The following EPS15L1 variants were observed in gnomAD, a reference collection of about 807,000 sequenced individuals.
The protein encoded by EPS15L1 is epidermal growth factor receptor pathway substrate 15 like 1, also known as epidermal growth factor receptor substrate 15-like 1.
Under a neutral mutation model 117.1 loss-of-function variants are expected in EPS15L1, and 43 were observed. The observed-to-expected ratio is 0.37, with a 90% CI of 0.29 to 0.47. EPS15L1 has a LOEUF of 0.47. Ranked by LOEUF, EPS15L1 falls within the 20% of genes least tolerant of loss-of-function variation. EPS15L1 has a pLI of 0.99. For missense variants in EPS15L1, 981 were observed against 1,164.0 expected (o/e 0.84, Z 2.29); for synonymous variants, 459 against 470.5 (o/e 0.98, Z 0.32).
chr19:16,365,315 C>T lies in EPS15L1; in HGVS notation c.2381-3331G>A, dbSNP rs1032639339. Reference sequence around the variant, plus strand: ...CCCTGTGCCTTAGAATATAACCATACTTGAAGATAGCATATTTAAAGGGGT... The same window carrying T: ...CCCTGTGCCTTAGAATATAACCATATTTGAAGATAGCATATTTAAAGGGGT... On this transcript the variant is annotated intron_variant, in intron 22 of 23. Transcript: ENST00000455140. This position sits in a 1 kb window ranked among gnomAD's most constrained non-coding sequence, Gnocchi z 4.9. Among the ~76,000 whole-genome samples, 6 of 152,142 alleles carry T rather than the reference C, an allele frequency of 3.9e-5. No individual in the cohort carries two copies. The highest frequency in any genetic ancestry group is 1.4e-4 in the African/African-American group (6 of 41,412).
chr19:16,437,270 C>A (rs2092987695), intron 5 of EPS15L1, among the ~76,000 whole-genome samples: 1 of 152,122 alleles, frequency 6.6e-6, no homozygotes, highest in African/African-American at 2.4e-5. Flanking sequence ...ACCCACATGT[C>A]CAGAGAGATG....
At chr19:16,396,582 A>G (rs2092543201) in intron 16 of EPS15L1, among the ~76,000 whole-genome samples, 1 of 152,206 alleles carries the variant, frequency 6.6e-6, no homozygotes, top group African/African-American at 2.4e-5. Flanking sequence ...CAATTTTTTC[A>G]TAAATCTAAA....
chr19:16,377,349 G>A, intron 21 of EPS15L1, 95 bp from the exon 22 acceptor site: 1 of 1,435,430 alleles, frequency 7.0e-7, no homozygotes, highest in Middle Eastern at 2.5e-4. Context: ...AAGGGCCCTG[G>A]CAAGGCCTCC....
intron 22 of EPS15L1, among the ~76,000 whole-genome samples, chr19:16,372,344 A>G (rs960339523): frequency 6.6e-6 from 1 of 152,166 alleles, no homozygotes; most frequent in Admixed American, 6.5e-5. Flanking sequence ...ATTTCACCTC[A>G]ATTGACCTTT....
intron 1 of EPS15L1, among the ~76,000 whole-genome samples, chr19:16,464,219 C>A (rs1205997973): frequency 6.6e-6 from 1 of 152,244 alleles, no homozygotes; most frequent in Non-Finnish European, 1.5e-5. Context: ...TCATCTGTGA[C>A]CTTTACTTTC....
At chr19:16,418,398 C>G (rs2092781387) in intron 10 of EPS15L1, among the ~76,000 whole-genome samples, 1 of 152,240 alleles carries the variant, frequency 6.6e-6, no homozygotes, top group Non-Finnish European at 1.5e-5. Flanking sequence ...TGAGATGCAG[C>G]TGCCTCTTCC....
Position 16,395,456 on chromosome 19 carries a change from G to C in EPS15L1, c.1803C>G (p.Phe601Leu). 1 of 1,613,578 alleles carries C rather than the reference G, an allele frequency of 6.2e-7. No individual in the cohort carries two copies. Among genetic ancestry groups the C allele is most frequent in the Non-Finnish European group, 8.5e-7 (1 of 1,179,646 alleles). The change falls in exon 17 of 24, where the codon TTC (phenylalanine) becomes TTG (leucine). Residue 601 changes from phenylalanine (F) to leucine (L), a missense_variant. This residue lies in a region of EPS15L1 where 819 missense variants were observed against 949.0 expected (regional missense o/e 0.86). Coordinates refer to ENST00000455140, the MANE Select transcript of EPS15L1 (RefSeq NM_001258374.3). The part of the protein sequence containing the change: ...RGSFGAMDDP[F>L]KNKALLFSNN... ...TGCTAAATAACAAGGCTTTATTTTTGAAAGGATCATCCTACAATTTTGTGA... is the reference window on the plus strand; with the variant it reads ...TGCTAAATAACAAGGCTTTATTTTTCAAAGGATCATCCTACAATTTTGTGA...
At chr19:16,457,619 G>C (rs1262422727) in intron 1 of EPS15L1, among the ~76,000 whole-genome samples, 1 of 151,914 alleles carries the variant, frequency 6.6e-6, no homozygotes, top group South Asian at 2.1e-4. Context: ...AGGGCAGAAG[G>C]GATGGAACTG....
At position 16,404,347 on chromosome 19, in the gene EPS15L1, G is replaced by T. The variant is rs1393507704; in HGVS notation, c.1428+241C>A. On this transcript the variant is annotated intron_variant, in intron 14 of 23. Coordinates refer to ENST00000455140, the MANE Select transcript of EPS15L1 (RefSeq NM_001258374.3). The surrounding 1 kb of genome is among the most constrained non-coding windows in gnomAD (Gnocchi z 4.2). ...CACAGCCAGGTGGGGTGTGTTCAGG[G>T]CACAAGTTCGCAGGGACCAAGGCCA... Among the ~76,000 whole-genome samples the T allele has an allele frequency of 6.6e-6, 1 of 152,164 alleles. No homozygotes were observed. The highest frequency in any genetic ancestry group is 1.5e-5 in the Non-Finnish European group (1 of 68,026).
At chr19:16,361,561 T>TGATA in intron 23 of EPS15L1, 1 of 1,306,634 alleles carries the variant, frequency 7.7e-7, no homozygotes, top group Non-Finnish European at 9.7e-7. Context: ...CGTGCCCTTA[T>TGATA]GATAGAGCAT....
chr19:16,441,641 A>AT (rs1360010995), intron 3 of EPS15L1: 1 of 290,870 alleles, frequency 3.4e-6, no homozygotes, highest in African/African-American at 2.2e-5. Context: ...AAAAAAAAAA[A>AT]AAAAAAAAAA....
intron 13 of EPS15L1, chr19:16,413,113 G>T: frequency 2.9e-6 from 2 of 680,846 alleles, no homozygotes; most frequent in Non-Finnish European, 5.4e-6. Flanking sequence ...ATCGGTCTGG[G>T]TATTAAGTGC....
At chr19:16,421,271 G>A in intron 10 of EPS15L1, 48 bp downstream of exon 10, 1 of 1,563,878 alleles carries the variant, frequency 6.4e-7, no homozygotes, top group Non-Finnish European at 8.7e-7. Context: ...TCACCCACAG[G>A]CCCCCTGGAG....
At chr19:16,457,627 C>G (rs2093210004) in intron 1 of EPS15L1, among the ~76,000 whole-genome samples, 1 of 151,446 alleles carries the variant, frequency 6.6e-6, no homozygotes, top group African/African-American at 2.4e-5. Context: ...AGGGATGGAA[C>G]TGGAATGGCG....
Position 16,370,691 on chromosome 19 carries a change from C to T in EPS15L1, c.2380+6431G>A, listed in dbSNP as rs183326103. On this transcript the variant is annotated intron_variant, in intron 22 of 23. Coordinates refer to ENST00000455140, the MANE Select transcript of EPS15L1 (RefSeq NM_001258374.3). This position sits in a 1 kb window ranked among gnomAD's most constrained non-coding sequence, Gnocchi z 5.2. ...TTTACAGAACAGAAAGTGCTCCAAACGGCAATCTGCCTGCAGTCAGTTTAA... is the reference window on the plus strand; with the variant it reads ...TTTACAGAACAGAAAGTGCTCCAAATGGCAATCTGCCTGCAGTCAGTTTAA... Among the ~76,000 whole-genome samples, 27 of 152,330 alleles carry T rather than the reference C, an allele frequency of 1.8e-4. No homozygotes were observed. The highest frequency in any genetic ancestry group is 5.3e-4 in the African/African-American group (22 of 41,564).
chr19:16,447,358 A>G (rs2145107492), intron 1 of EPS15L1, among the ~76,000 whole-genome samples: 1 of 152,376 alleles, frequency 6.6e-6, no homozygotes, highest in African/African-American at 2.4e-5. Context: ...GCTTTTCCAA[A>G]TCACAAGGAA....
chr19:16,461,562 C>T (rs1194524883), intron 1 of EPS15L1, among the ~76,000 whole-genome samples: 1 of 151,764 alleles, frequency 6.6e-6, no homozygotes, highest in Non-Finnish European at 1.5e-5. Context: ...GCAAAGGTTG[C>T]GGTGAGCTGA....
intron 13 of EPS15L1, among the ~76,000 whole-genome samples, chr19:16,411,331 TGAG>T (rs2092704018): frequency 6.6e-6 from 1 of 152,164 alleles, no homozygotes; most frequent in East Asian, 1.9e-4. Flanking sequence ...TTAATGGGGA[TGAG>T]GTTTCCTTTT....
chr19:16,452,790 A>G (rs921542085), intron 1 of EPS15L1, among the ~76,000 whole-genome samples: 4 of 151,408 alleles, frequency 2.6e-5, no homozygotes, highest in Non-Finnish European at 5.9e-5. Flanking sequence ...CATCTATTTT[A>G]TTTTTTTATT....
Sources: gnomAD v4.1 joint callset for allele counts (sites outside exome capture counted in the v4.1 genomes callset) on GRCh38, gnomAD v4.1.1 for gene constraint, gnomAD v4.1.1 regional missense constraint, Gnocchi (gnomAD v3.1) non-coding constraint, MANE v1.5 for transcripts, NCBI Gene and HGNC (gene_info 2026-07-23, HGNC 2026-07-21) for gene names.